Variants in RTTN observed in about 807,000 individuals in gnomAD.
RTTN encodes rotatin.
In RTTN, 182 loss-of-function variants were observed where a neutral mutation model predicts 269.2. That is an observed-to-expected ratio of 0.68 (90% CI 0.60 to 0.76). The LOEUF (loss-of-function observed/expected upper bound fraction) is 0.76. RTTN is among the 30% of genes least tolerant of loss of function. RTTN has a pLI of 0.00. For synonymous variants in RTTN, 1,006 were observed against 963.5 expected (o/e 1.04, Z -0.82); for missense variants, 2,545 against 2,608.6 (o/e 0.98, Z 0.53).
intron 27 of RTTN, among the ~76,000 whole-genome samples, chr18:70,112,520 A>G (rs910135066): frequency 6.9e-6 from 1 of 145,508 alleles, no homozygotes; most frequent in Non-Finnish European, 1.5e-5. Context: ...TACCATCCTT[A>G]TCTCTGATAC....
intron 30 of RTTN, among the ~76,000 whole-genome samples, chr18:70,088,750 G>T (rs915354549): frequency 3.3e-5 from 5 of 152,034 alleles, no homozygotes; most frequent in African/African-American, 1.2e-4. Flanking sequence ...GACAGCTATA[G>T]AATTTTTTAA....
chr18:70,056,697 G>C (rs1313970177), intron 37 of RTTN, among the ~76,000 whole-genome samples: 2 of 152,080 alleles, frequency 1.3e-5, no homozygotes, highest in Admixed American at 1.3e-4. Flanking sequence ...CCAACCTCAG[G>C]GGTCTTGCAA....
chr18:70,192,182 G>C (rs2061687580), intron 8 of RTTN, among the ~76,000 whole-genome samples: 1 of 152,158 alleles, frequency 6.6e-6, no homozygotes, highest in African/African-American at 2.4e-5. Context: ...CAGCAGGTAT[G>C]AATCAGTATT....
intron 39 of RTTN, among the ~76,000 whole-genome samples, chr18:70,050,186 C>A (rs138302358): frequency 1.3e-5 from 2 of 152,166 alleles, no homozygotes; most frequent in East Asian, 3.9e-4. Context: ...TGACAAAGGT[C>A]TAACATCCAG....
chr18:70,109,440 C>T, intron 28 of RTTN, 58 bp downstream of exon 28: 1 of 1,308,120 alleles, frequency 7.6e-7, no homozygotes, highest in East Asian at 2.3e-5. Flanking sequence ...CACTTGTGGC[C>T]TGGCATAAAG....
intron 26 of RTTN, among the ~76,000 whole-genome samples, chr18:70,118,982 A>C (rs115229315): frequency 2.0e-5 from 3 of 152,194 alleles, no homozygotes; most frequent in African/African-American, 7.2e-5. Flanking sequence ...ATCATTCTCA[A>C]TGGTGAAAAG....
intron 14 of RTTN, among the ~76,000 whole-genome samples, chr18:70,164,602 T>C (rs2145895859): frequency 6.6e-6 from 1 of 152,170 alleles, no homozygotes; most frequent in African/African-American, 2.4e-5. Context: ...ACTGAAAGGA[T>C]AACACTGAGA....
intron 46 of RTTN, chr18:70,008,338 T>A (rs970373164): frequency 6.6e-6 from 1 of 152,052 alleles, no homozygotes; most frequent in Admixed American, 6.5e-5. Context: ...AAAACCAGAA[T>A]AACTCTTCTC....
intron 1 of RTTN, 22 bp downstream of exon 1, chr18:70,205,606 C>T (rs1375688165): frequency 1.9e-6 from 3 of 1,613,978 alleles, no homozygotes; most frequent in Non-Finnish European, 2.5e-6. Flanking sequence ...GTGCCTTGGG[C>T]GAGGGGCAAG....
Position 70,196,542 on chromosome 18 carries a change from A to G in RTTN, c.800T>C (p.Leu267Pro), listed in dbSNP as rs1256591593. The change falls in exon 7 of 49, where the codon CTT becomes CCT. Residue 267 changes from leucine to proline, a missense_variant. Coordinates refer to ENST00000640769, the MANE Select transcript of RTTN (RefSeq NM_173630.4). ...AAAACCTGGATCTCGGTGAAAGTTAAGTCTGTTTCTTAAATACATGCACAG... is the reference window on the plus strand; with the variant it reads ...AAAACCTGGATCTCGGTGAAAGTTAGGTCTGTTTCTTAAATACATGCACAG... ...QQLCMYLRNR[L>P]NFHRDPGFFS... is the part of the protein sequence containing the mutation. 6.2e-7 allele frequency: 1 copy of G among 1,613,180 alleles called. No homozygotes were observed. The highest frequency in any genetic ancestry group is 1.7e-5 in the Admixed American group (1 of 59,698).
chr18:70,149,263 C>T (rs544878234), intron 16 of RTTN, among the ~76,000 whole-genome samples: 3 of 151,962 alleles, frequency 2.0e-5, no homozygotes, highest in African/African-American at 7.3e-5. Flanking sequence ...GAAAACATGC[C>T]AACCTTCTTG....
intron 16 of RTTN, among the ~76,000 whole-genome samples, chr18:70,149,541 T>TAAAA: frequency 6.8e-6 from 1 of 147,802 alleles, no homozygotes; most frequent in African/African-American, 2.5e-5. Flanking sequence ...ATTGCTTTTT[T>TAAAA]AAAAAAAAAA....
Position 70,092,094 on chromosome 18 carries a change from T to C in RTTN, c.4143+16A>G, listed in dbSNP as rs765489451. On this transcript the variant is annotated intron_variant, in intron 30 of 48. Coordinates refer to ENST00000640769, the MANE Select transcript of RTTN (RefSeq NM_173630.4). ...TTAATCTAAACACAATACACTTGAT[T>C]CTCCTTCACACTCACCTCTGGGTCC... is the stretch of plus-strand genomic sequence containing the variant. 4.9e-5 allele frequency: 75 copies of C among 1,522,650 alleles called. No individual in the cohort carries two copies. In the South Asian group the frequency reaches 7.9e-4, roughly 16 times the overall value. The allele number at this position is 1,522,650 out of a possible 1,614,324, so 94.3% of individuals were successfully genotyped here. A position where few individuals can be genotyped will look rare whatever the true frequency, so the allele number is the denominator to read the frequency against.
intron 35 of RTTN, among the ~76,000 whole-genome samples, chr18:70,064,145 C>T (rs2058068473): frequency 6.6e-6 from 1 of 151,302 alleles, no homozygotes; most frequent in South Asian, 2.1e-4. Flanking sequence ...AGAGACCAGC[C>T]TGGGCAACAT....
chr18:70,089,208 G>A (rs2058778199), intron 30 of RTTN, among the ~76,000 whole-genome samples: 1 of 152,192 alleles, frequency 6.6e-6, no homozygotes, highest in African/African-American at 2.4e-5. Context: ...TGGAGACAGA[G>A]CTATTAGGTG....
chr18:70,110,911 G>A (rs1361197019), intron 27 of RTTN, among the ~76,000 whole-genome samples: 1 of 152,220 alleles, frequency 6.6e-6, no homozygotes, highest in Non-Finnish European at 1.5e-5. Context: ...GGCTTGAGTA[G>A]GCAGTTTTAC....
At chr18:70,162,886 G>GAAAAAAAAAAAAAAAAAAAAAGAAAAA (rs5825997) in intron 14 of RTTN, among the ~76,000 whole-genome samples, 1 of 50,196 alleles carries the variant, frequency 2.0e-5, no homozygotes, top group African/African-American at 7.7e-5. Flanking sequence ...AATAAAAGTT[G>GAAAAAAAAAAAAAAAAAAAAAGAAAAA]AAAAAAAAAA....
chr18:70,102,303 T>C (rs1683091066), intron 28 of RTTN, among the ~76,000 whole-genome samples: 2 of 152,254 alleles, frequency 1.3e-5, no homozygotes, highest in African/African-American at 4.8e-5. Context: ...GCTCTTCTTC[T>C]TGAACTGATC....
At chr18:70,005,167 T>C in intron 48 of RTTN, 31 bp downstream of exon 48, 1 of 1,533,236 alleles carries the variant, frequency 6.5e-7, no homozygotes, top group Non-Finnish European at 9.0e-7. Flanking sequence ...CTTCTGAGTT[T>C]AACTATAATC....
Sources: gnomAD v4.1 joint callset for allele counts (sites outside exome capture counted in the v4.1 genomes callset) on GRCh38, gnomAD v4.1.1 for gene constraint, MANE v1.5 for transcripts, NCBI Gene and HGNC (gene_info 2026-07-23, HGNC 2026-07-21) for gene names.